CAST: variants seen among roughly 807,000 people sequenced by gnomAD.
CAST encodes the protein calpastatin.
CAST carries 76 observed loss-of-function variants against 119.6 expected under a neutral mutation model. That is an observed-to-expected ratio of 0.64 (90% CI 0.53 to 0.77). The LOEUF is 0.77. Ranked by LOEUF, CAST falls within the 30% of genes least tolerant of loss-of-function variation. CAST has a pLI of 0.00. For missense variants in CAST, 953 were observed against 946.5 expected (o/e 1.01, Z -0.09); for synonymous variants, 319 against 331.6 (o/e 0.96, Z 0.41).
chr5:96,526,841 G>A (rs1329332971), upstream of CAST, among the ~76,000 whole-genome samples: 1 of 152,204 alleles, frequency 6.6e-6, no homozygotes, highest in East Asian at 1.9e-4. Flanking sequence ...ACACGTTATA[G>A]TAGGATCTGT....
the CAST span, among the ~76,000 whole-genome samples, chr5:96,402,622 A>G: frequency 2.0e-5 from 3 of 151,854 alleles, no homozygotes; most frequent in Non-Finnish European, 4.4e-5. Flanking sequence ...GTGCTGAGCC[A>G]CTCAACCAGT....
the CAST span, among the ~76,000 whole-genome samples, chr5:96,108,855 C>G: frequency 1.3e-5 from 2 of 152,242 alleles, no homozygotes; most frequent in African/African-American, 4.8e-5. Context: ...ATCTCAGACT[C>G]CTGTGCTAGC....
At chr5:95,963,725 C>CTTTTTTTTTTTTTTTTTT in the CAST span, among the ~76,000 whole-genome samples, 8 of 129,992 alleles carry the variant, frequency 6.2e-5, no homozygotes, top group African/African-American at 1.8e-4. Flanking sequence ...TTCTCTCTCT[C>CTTTTTTTTTTTTTTTTTT]TTTTTTTTTT....
chr5:96,209,996 C>G, the CAST span: 1 of 151,420 alleles, frequency 6.6e-6, no homozygotes, highest in Non-Finnish European at 1.5e-5. Flanking sequence ...TTATGTAATC[C>G]CATAATTCTC....
At chr5:96,743,088 T>C (rs955214106) in intron 16 of CAST, among the ~76,000 whole-genome samples, 3 of 152,154 alleles carry the variant, frequency 2.0e-5, no homozygotes, top group Non-Finnish European at 4.4e-5. Flanking sequence ...TTCAGAAGGG[T>C]TCTGGGTGCT....
intron 1 of CAST, among the ~76,000 whole-genome samples, chr5:96,619,966 CTTCTG>C (rs1747567433): frequency 6.6e-6 from 1 of 152,214 alleles, no homozygotes; most frequent in Non-Finnish European, 1.5e-5. Context: ...CAAGTTTCCA[CTTCTG>C]TAAAATAAAG....
At chr5:96,359,974 C>T in the CAST span, among the ~76,000 whole-genome samples, 4 of 152,180 alleles carry the variant, frequency 2.6e-5, no homozygotes, top group African/African-American at 4.8e-5. Flanking sequence ...GTACACCAAT[C>T]AAACATAGGT....
At chr5:96,500,478 G>A in the CAST span, among the ~76,000 whole-genome samples, 82 of 152,284 alleles carry the variant, frequency 5.4e-4, no homozygotes, top group Non-Finnish European at 8.5e-4. Context: ...TTTGGATCTA[G>A]TTGTACTGGT....
the CAST span, among the ~76,000 whole-genome samples, chr5:96,092,071 C>G: frequency 6.6e-6 from 1 of 152,182 alleles, no homozygotes; most frequent in Non-Finnish European, 1.5e-5. Flanking sequence ...AAAGCAGAAT[C>G]ACACTGTGAC....
At chr5:96,616,766 AC>A (rs1747466020) in intron 1 of CAST, among the ~76,000 whole-genome samples, 1 of 147,046 alleles carries the variant, frequency 6.8e-6, no homozygotes, top group Admixed American at 6.7e-5. Flanking sequence ...ACACACACAC[AC>A]ACACACACAC....
chr5:96,663,429 C>T (rs976132357), intron 1 of CAST, among the ~76,000 whole-genome samples: 7 of 152,228 alleles, frequency 4.6e-5, no homozygotes, highest in Admixed American at 6.5e-5. Context: ...AAGCACTATG[C>T]TCTGCTGGCG....
At chr5:96,587,838 A>C (rs1376199975) in intron 1 of CAST, among the ~76,000 whole-genome samples, 2 of 152,188 alleles carry the variant, frequency 1.3e-5, no homozygotes, top group Non-Finnish European at 2.9e-5. Context: ...TTAAATAAGG[A>C]ATATTCTGGA....
intron 1 of CAST, among the ~76,000 whole-genome samples, chr5:96,632,669 C>T (rs879550031): frequency 1.4e-5 from 1 of 73,098 alleles, no homozygotes; most frequent in South Asian, 3.9e-4. Flanking sequence ...GTGGTCTCAG[C>T]GCTATTTGTC....
intron 1 of CAST, among the ~76,000 whole-genome samples, chr5:96,573,769 C>T (rs912800030): frequency 1.3e-5 from 2 of 152,310 alleles, no homozygotes; most frequent in South Asian, 4.1e-4. Context: ...CCCTTGTGCC[C>T]CTTCTCAGAC....
chr5:96,483,145 G>A, the CAST span, among the ~76,000 whole-genome samples: 6 of 152,272 alleles, frequency 3.9e-5, no homozygotes, highest in African/African-American at 1.2e-4. Flanking sequence ...GGCCAAGCTA[G>A]TAAGTCATAA....
chr5:96,457,446 C>T, the CAST span, among the ~76,000 whole-genome samples: 121 of 152,264 alleles, frequency 7.9e-4, no homozygotes, highest in East Asian at 0.021. Flanking sequence ...CCATGTCGCT[C>T]GGAATACAGC....
At chr5:96,245,441 C>T in the CAST span, among the ~76,000 whole-genome samples, 1 of 152,138 alleles carries the variant, frequency 6.6e-6, no homozygotes, top group Non-Finnish European at 1.5e-5. Flanking sequence ...TAGGAGTGTA[C>T]AGAAAACTGT....
At chr5:96,096,869 A>G in the CAST span, among the ~76,000 whole-genome samples, 1 of 152,234 alleles carries the variant, frequency 6.6e-6, no homozygotes, top group African/African-American at 2.4e-5. Flanking sequence ...TGTCTCTGTC[A>G]GAGCTGGTGA....
the CAST span, among the ~76,000 whole-genome samples, chr5:96,321,094 A>G: frequency 6.6e-6 from 1 of 152,122 alleles, no homozygotes; most frequent in South Asian, 2.1e-4. Context: ...CAGGTTACCT[A>G]CCTGTTTCAT....
Sources: allele counts gnomAD v4.1 joint callset (sites outside exome capture counted in the v4.1 genomes callset), GRCh38; gene constraint gnomAD v4.1.1; transcripts MANE v1.5; gene names NCBI Gene and HGNC (gene_info 2026-07-23, HGNC 2026-07-21).